SH3RF3: variants seen among roughly 807,000 people sequenced by gnomAD.
SH3RF3 encodes the protein SH3 domain containing ring finger 3.
In SH3RF3, 29 loss-of-function variants were observed where a neutral mutation model predicts 66.3. The ratio of observed to expected loss-of-function variants is 0.44; its 90% CI spans 0.33 to 0.60. SH3RF3 has a LOEUF of 0.60. SH3RF3 is among the 20% of genes least tolerant of loss of function. SH3RF3 has a pLI of 0.04. For synonymous variants in SH3RF3, 583 were observed against 532.0 expected (o/e 1.10, Z -1.32); for missense variants, 1,194 against 1,190.9 (o/e 1.00, Z -0.04).
Position 109,454,998 on chromosome 2 carries a change from A to G in SH3RF3, c.2148+5509A>G, listed in dbSNP as rs114991835. On this transcript the variant is annotated intron_variant, in intron 8 of 9. Transcript: ENST00000309415. Reference sequence around the variant, plus strand: ...GTGAGTAATAGAATATTGAAACTTGAAAGAGCCTCTAAAGATGTTTTATAT... The same window carrying G: ...GTGAGTAATAGAATATTGAAACTTGGAAGAGCCTCTAAAGATGTTTTATAT... 3.3e-3 allele frequency among the ~76,000 whole-genome samples: 508 copies of G among 152,304 alleles called. 5 individuals are homozygous for G. The highest frequency in any genetic ancestry group is 0.017 in the East Asian group (88 of 5,178).
chr2:109,237,689 G>A (rs1450664531), intron 1 of SH3RF3, among the ~76,000 whole-genome samples: 2 of 152,176 alleles, frequency 1.3e-5, no homozygotes, highest in African/African-American at 2.4e-5. Context: ...GTGTGGCCCA[G>A]GGAAGACAAA....
At chr2:109,150,069 A>G (rs796601050) in intron 1 of SH3RF3, among the ~76,000 whole-genome samples, 7 of 152,312 alleles carry the variant, frequency 4.6e-5, no homozygotes, top group African/African-American at 1.4e-4. Flanking sequence ...AACGGTCCCC[A>G]GGTGATGCCA....
At chr2:109,257,564 G>A (rs80318065) in intron 1 of SH3RF3, among the ~76,000 whole-genome samples, 77 of 152,256 alleles carry the variant, frequency 5.1e-4, no homozygotes, top group Non-Finnish European at 9.9e-4. Flanking sequence ...TTCGTGGTGA[G>A]TGAGGAGTTA....
At chr2:109,243,289 C>T (rs17035241) in intron 1 of SH3RF3, among the ~76,000 whole-genome samples, 6,814 of 152,312 alleles carry the variant, frequency 0.045, 428 homozygotes, top group African/African-American at 0.14. Context: ...AGCCGTACAC[C>T]GCATGGATCC....
intron 2 of SH3RF3, among the ~76,000 whole-genome samples, chr2:109,357,657 C>G (rs1365533154): frequency 6.6e-6 from 1 of 152,176 alleles, no homozygotes; most frequent in African/African-American, 2.4e-5. Context: ...ACTTTGTTTT[C>G]TCTCAGTTTT....
At chr2:109,336,478 G>A (rs1682424302) in intron 1 of SH3RF3, among the ~76,000 whole-genome samples, 2 of 152,050 alleles carry the variant, frequency 1.3e-5, no homozygotes, top group Admixed American at 6.5e-5. Flanking sequence ...GTCCTGGTGT[G>A]CCCACGGCTA....
chr2:109,206,316 C>G (rs1031442448), intron 1 of SH3RF3, among the ~76,000 whole-genome samples: 8 of 151,806 alleles, frequency 5.3e-5, no homozygotes, highest in African/African-American at 1.9e-4. Context: ...TGGTGAAACC[C>G]TGTCTCTACT....
chr2:109,153,674 A>C (rs542752561), intron 1 of SH3RF3, among the ~76,000 whole-genome samples: 26 of 152,300 alleles, frequency 1.7e-4, no homozygotes, highest in African/African-American at 6.0e-4. Flanking sequence ...TTTCTGACAC[A>C]CTGGGAATGA....
intron 1 of SH3RF3, among the ~76,000 whole-genome samples, chr2:109,188,234 G>T (rs977027459): frequency 3.3e-5 from 5 of 152,246 alleles, no homozygotes; most frequent in African/African-American, 1.2e-4. Context: ...TGTAGCAGGG[G>T]TGCCTCTGAA....
intron 1 of SH3RF3, among the ~76,000 whole-genome samples, chr2:109,155,682 G>T (rs1317071968): frequency 6.6e-6 from 1 of 152,136 alleles, no homozygotes; most frequent in African/African-American, 2.4e-5. Context: ...ATCTTGAATT[G>T]TAACACTGTT....
chr2:109,420,409 A>G (rs550796090), intron 5 of SH3RF3, among the ~76,000 whole-genome samples: 14 of 152,302 alleles, frequency 9.2e-5, no homozygotes, highest in Admixed American at 7.8e-4. Context: ...GTGTTGTTAC[A>G]GAACAGGATT....
chr2:109,153,920 A>G (rs891409451), intron 1 of SH3RF3, among the ~76,000 whole-genome samples: 1 of 152,220 alleles, frequency 6.6e-6, no homozygotes, highest in African/African-American at 2.4e-5. Context: ...CGAGGACAAA[A>G]TGAAGTGCAA....
chr2:109,292,255 A>G lies in SH3RF3; in HGVS notation c.574-55419A>G, dbSNP rs72822695. 7.7e-3 allele frequency among the ~76,000 whole-genome samples: 1,170 copies of G among 152,338 alleles called. 4 individuals carry two copies. Among genetic ancestry groups the G allele is most frequent in the Non-Finnish European group, 0.013 (894 of 68,030 alleles). On this transcript the variant is annotated intron_variant, in intron 1 of 9. Transcript: ENST00000309415. ...TAATGTATAAATGTATAAACATAATATTTTTAAATAGGAAATAAAAGTTGC... is the reference window on the plus strand; with the variant it reads ...TAATGTATAAATGTATAAACATAATGTTTTTAAATAGGAAATAAAAGTTGC...
At chr2:109,404,764 T>C (rs1455624998) in intron 4 of SH3RF3, among the ~76,000 whole-genome samples, 1 of 152,118 alleles carries the variant, frequency 6.6e-6, no homozygotes, top group African/African-American at 2.4e-5. Context: ...TGTGCTCGAC[T>C]CTCTGCAGTC....
rs193281455 is a variant in SH3RF3 at position 109,384,258 on chromosome 2, C to A, written c.945+12577C>A. On this transcript the variant is annotated intron_variant, in intron 3 of 9. Coordinates refer to ENST00000309415, the MANE Select transcript of SH3RF3 (RefSeq NM_001099289.3). ...AGGAGAACCCTGGAGACCACATCTG[C>A]CAGGGAGGACACAACAGCGAAGAAA... Among the ~76,000 whole-genome samples, 9 of 145,776 alleles carry A rather than the reference C, an allele frequency of 6.2e-5. No individual in the cohort carries two copies. In the East Asian group the frequency reaches 1.8e-3, roughly 28 times the overall value.
chr2:109,398,082 A>G (rs982339711), intron 3 of SH3RF3, among the ~76,000 whole-genome samples: 1 of 152,220 alleles, frequency 6.6e-6, no homozygotes, highest in Non-Finnish European at 1.5e-5. Flanking sequence ...TGACCAGAGC[A>G]GACTCCCCTG....
At chr2:109,501,423 C>T (rs1220235318) in intron 9 of SH3RF3, 80 bp from the exon 10 acceptor site, 1 of 645,162 alleles carries the variant, frequency 1.5e-6, no homozygotes, top group Non-Finnish European at 2.9e-6. Context: ...CAATAATTTA[C>T]ACCGAGGGAA....
intron 8 of SH3RF3, among the ~76,000 whole-genome samples, chr2:109,470,997 A>G (rs997740154): frequency 2.0e-5 from 3 of 152,148 alleles, no homozygotes; most frequent in African/African-American, 7.2e-5. Context: ...AGGAGGGCAG[A>G]TCACTTGAGG....
At chr2:109,170,725 T>G (rs577676217) in intron 1 of SH3RF3, among the ~76,000 whole-genome samples, 4 of 152,296 alleles carry the variant, frequency 2.6e-5, no homozygotes, top group Middle Eastern at 3.4e-3. Context: ...AAATATTTGT[T>G]GGGCATTGAC....
Sources: allele counts gnomAD v4.1 joint callset (sites outside exome capture counted in the v4.1 genomes callset), GRCh38; gene constraint gnomAD v4.1.1; transcripts MANE v1.5; gene names NCBI Gene and HGNC (gene_info 2026-07-23, HGNC 2026-07-21).